TGFBR3: variants seen among roughly 807,000 people sequenced by gnomAD.
TGFBR3 encodes transforming growth factor beta receptor 3, also known as transforming growth factor beta receptor type 3.
TGFBR3 carries 46 observed loss-of-function variants against 87.9 expected under a neutral mutation model. The observed-to-expected ratio is 0.52, with a 90% CI of 0.41 to 0.67. The LOEUF is 0.67. TGFBR3 is among the 30% of genes least tolerant of loss of function. The pLI is 0.00. For missense variants in TGFBR3, 866 were observed against 1,041.9 expected (o/e 0.83, Z 2.32); for synonymous variants, 381 against 391.6 (o/e 0.97, Z 0.32).
chr1:91,795,640 G>A (rs192155301), intron 3 of TGFBR3, among the ~76,000 whole-genome samples: 185 of 152,332 alleles, frequency 1.2e-3, no homozygotes, highest in African/African-American at 4.1e-3. Flanking sequence ...GTTCCTCTGA[G>A]AGAAGCATAT....
chr1:91,820,089 T>A (rs1191648296), intron 2 of TGFBR3, among the ~76,000 whole-genome samples: 1 of 152,222 alleles, frequency 6.6e-6, no homozygotes, highest in Non-Finnish European at 1.5e-5. Flanking sequence ...GCTAACCTTT[T>A]ACCTATGAGC....
intron 3 of TGFBR3, among the ~76,000 whole-genome samples, chr1:91,789,179 T>C (rs942884681): frequency 6.6e-6 from 1 of 152,158 alleles, no homozygotes; most frequent in African/African-American, 2.4e-5. Flanking sequence ...TGGTGGCGTA[T>C]GCCTGTAGTC....
chr1:91,692,576 C>T (rs1227186714), intron 16 of TGFBR3, among the ~76,000 whole-genome samples: 1 of 152,082 alleles, frequency 6.6e-6, no homozygotes, highest in Non-Finnish European at 1.5e-5. Flanking sequence ...AGTTAGGGAC[C>T]CCTGAACTAG....
intron 7 of TGFBR3, among the ~76,000 whole-genome samples, chr1:91,724,534 T>G (rs190289914): frequency 9.5e-4 from 145 of 152,340 alleles, no homozygotes; most frequent in Non-Finnish European, 1.5e-3. Context: ...ATGAGCTGTT[T>G]GCACCTTTCC....
chr1:91,773,543 T>C (rs1674460809), intron 3 of TGFBR3, among the ~76,000 whole-genome samples: 1 of 152,242 alleles, frequency 6.6e-6, no homozygotes, highest in East Asian at 1.9e-4. Context: ...TAGTTAGGCT[T>C]GGTGGCAGGC....
intron 2 of TGFBR3, among the ~76,000 whole-genome samples, chr1:91,859,029 T>C (rs557846705): frequency 1.3e-5 from 2 of 150,426 alleles, no homozygotes; most frequent in African/African-American, 4.9e-5. Flanking sequence ...CACTCCAGCC[T>C]GGGTGACACA....
At chr1:91,697,761 T>C (rs535979857) in intron 15 of TGFBR3, among the ~76,000 whole-genome samples, 23 of 152,348 alleles carry the variant, frequency 1.5e-4, no homozygotes, top group African/African-American at 5.5e-4. Context: ...ATGTGAATTC[T>C]TGCAGGTTAG....
At chr1:91,885,287 T>A (rs1020790145) in intron 1 of TGFBR3, among the ~76,000 whole-genome samples, 1 of 147,574 alleles carries the variant, frequency 6.8e-6, no homozygotes, top group Non-Finnish European at 1.5e-5. Context: ...CAGATTCTTC[T>A]AGCGACAGTC....
intron 7 of TGFBR3, among the ~76,000 whole-genome samples, chr1:91,722,656 C>A (rs1672410560): frequency 6.6e-6 from 1 of 152,158 alleles, no homozygotes; most frequent in Non-Finnish European, 1.5e-5. Flanking sequence ...CTGAGAAATG[C>A]ATCATTAGGT....
intron 2 of TGFBR3, among the ~76,000 whole-genome samples, chr1:91,800,317 T>TAC (rs1371371580): frequency 1.1e-4 from 11 of 98,344 alleles, no homozygotes; most frequent in African/African-American, 3.6e-4. Context: ...CATATATGTA[T>TAC]ATATATGTGT....
At chr1:91,898,851 T>C (rs1018655517) in intron 2 of TGFBR3, among the ~76,000 whole-genome samples, 1 of 152,190 alleles carries the variant, frequency 6.6e-6, no homozygotes, top group African/African-American at 2.4e-5. Context: ...AACCCATCTG[T>C]GTTGTGTATA....
rs74896573 is a variant in TGFBR3, at chr1:91,681,909, A to T, written c.*1830T>A. 1.1e-5 allele frequency: 5 copies of T among 448,294 alleles called. No homozygotes were observed. The highest frequency in any genetic ancestry group is 2.2e-5 in the Non-Finnish European group (5 of 225,386). The allele number at this position is 448,294 out of a possible 1,614,324, so 27.8% of individuals were successfully genotyped here. A position where few individuals can be genotyped will look rare whatever the true frequency, so the allele number is the denominator to read the frequency against. Reference sequence around the variant, plus strand: ...TCTGATACCCTTCTGTTAAAAAAAAATTAAAGGAAAAAAATTCTCTAAACT... The same window carrying T: ...TCTGATACCCTTCTGTTAAAAAAAATTTAAAGGAAAAAAATTCTCTAAACT... On this transcript the variant is annotated 3_prime_UTR_variant, in exon 17 of 17. Transcript: ENST00000212355.
intron 4 of TGFBR3, among the ~76,000 whole-genome samples, chr1:91,743,737 T>C (rs966440766): frequency 3.3e-5 from 5 of 152,244 alleles, no homozygotes; most frequent in Non-Finnish European, 5.9e-5. Context: ...TGGCAGTGCC[T>C]GCCTAAGGTT....
At chr1:91,787,121 T>C (rs1674999149) in intron 3 of TGFBR3, among the ~76,000 whole-genome samples, 1 of 151,966 alleles carries the variant, frequency 6.6e-6, no homozygotes, top group African/African-American at 2.4e-5. Flanking sequence ...GCCAACATGG[T>C]GAAACTCCGT....
intron 3 of TGFBR3, among the ~76,000 whole-genome samples, chr1:91,784,136 T>C (rs1359141629): frequency 6.6e-6 from 1 of 152,158 alleles, no homozygotes; most frequent in African/African-American, 2.4e-5. Flanking sequence ...GGGAAAAGAC[T>C]GAACAAAGAT....
chr1:91,841,820 T>G (rs1038231153), intron 2 of TGFBR3, among the ~76,000 whole-genome samples: 70 of 141,958 alleles, frequency 4.9e-4, no homozygotes, highest in African/African-American at 1.7e-3. Flanking sequence ...AAAAGTAGTT[T>G]TAGGCCAGGT....
chr1:91,833,711 C>T (rs1571556000), intron 2 of TGFBR3, among the ~76,000 whole-genome samples: 2 of 151,036 alleles, frequency 1.3e-5, no homozygotes, highest in Middle Eastern at 3.2e-3. Context: ...GCCCAGGAGG[C>T]GGAGGTTTCA....
chr1:91,838,006 TG>T (rs1156242013), intron 2 of TGFBR3, among the ~76,000 whole-genome samples: 2 of 152,196 alleles, frequency 1.3e-5, no homozygotes, highest in African/African-American at 4.8e-5. Context: ...TCATGTAGTT[TG>T]GGGTTTAAAG....
chr1:91,694,842 T>C (rs1357912794), intron 16 of TGFBR3, among the ~76,000 whole-genome samples: 2 of 152,222 alleles, frequency 1.3e-5, no homozygotes, highest in Non-Finnish European at 2.9e-5. Context: ...ATTTTATACA[T>C]TCTAGTTCTC....
Sources: gnomAD v4.1 joint callset for allele counts (sites outside exome capture counted in the v4.1 genomes callset) on GRCh38, gnomAD v4.1.1 for gene constraint, MANE v1.5 for transcripts, NCBI Gene and HGNC (gene_info 2026-07-23, HGNC 2026-07-21) for gene names.